ZXDC: variants seen among roughly 807,000 people sequenced by gnomAD.
ZXDC encodes the protein zinc finger protein ZXDC.
In ZXDC, 58 loss-of-function variants were observed where a neutral mutation model predicts 63.6. That is an observed-to-expected ratio of 0.91 (90% confidence interval 0.74 to 1.13). The LOEUF (loss-of-function observed/expected upper bound fraction) is 1.13. Among genes scored for constraint, ZXDC ranks in the 50% most tolerant of loss-of-function variants. The pLI is 0.00. For missense variants in ZXDC, 1,133 were observed against 1,148.9 expected, an observed-to-expected ratio of 0.99 and a Z score of 0.20; for synonymous variants, 561 against 496.1, an observed-to-expected ratio of 1.13 and a Z score of -1.74.
chr3:126,439,581 A>G (rs1424391482), intron 9 of ZXDC, 51 bp downstream of exon 9: 2 of 1,550,914 alleles, frequency 1.3e-6, no homozygotes, highest in Non-Finnish European at 1.7e-6. Flanking sequence ...TGGAAGTCGA[A>G]GGCTCTGCGA....
At chr3:126,438,968 G>A (rs1469697310) in intron 9 of ZXDC, among the ~76,000 whole-genome samples, 1 of 152,132 alleles carries the variant, frequency 6.6e-6, no homozygotes, top group Non-Finnish European at 1.5e-5. Flanking sequence ...GTCCCAGGAG[G>A]GGGCTGCCAG....
At chr3:126,467,130 C>T (rs1218091814) in intron 4 of ZXDC, among the ~76,000 whole-genome samples, 1 of 152,106 alleles carries the variant, frequency 6.6e-6, no homozygotes, top group Non-Finnish European at 1.5e-5. Context: ...CCACACACCT[C>T]CCGAGAAGGC....
At chr3:126,442,200 C>T (rs143215759) in intron 7 of ZXDC, 18 of 304,250 alleles carry the variant, frequency 5.9e-5, no homozygotes, top group Admixed American at 1.6e-4. Context: ...CCAGACGGTA[C>T]GGTAATCAGA....
chr3:126,451,044 G>A, intron 7 of ZXDC: 1 of 743,182 alleles, frequency 1.3e-6, no homozygotes, highest in African/African-American at 1.9e-5. Context: ...AGGGACTCAA[G>A]GCCACTCCTC....
intron 8 of ZXDC, 55 bp from the exon 9 acceptor site, chr3:126,439,782 T>G: frequency 6.6e-7 from 1 of 1,515,472 alleles, no homozygotes; most frequent in Non-Finnish European, 8.8e-7. Context: ...GCAGCAAAGG[T>G]CCTCGTCTCA....
intron 5 of ZXDC, among the ~76,000 whole-genome samples, chr3:126,463,358 C>T (rs551980525): frequency 4.3e-4 from 66 of 152,308 alleles, no homozygotes; most frequent in African/African-American, 1.5e-3. Flanking sequence ...TATGAGCCAC[C>T]ACGCCTGCAG....
At position 126,459,845 on chromosome 3, in the gene ZXDC, C is replaced by A; in HGVS notation, c.2128-108G>T. 4.4e-6 allele frequency: 7 copies of A among 1,584,548 alleles called. No individual in the cohort carries two copies. The South Asian group carries it at 8.0e-5, about 18-fold the overall frequency. On this transcript the variant is annotated intron_variant, in intron 6 of 9. Transcript: ENST00000389709. ...TGCTTCTGGGACATATCCGAGCTCC[C>A]AAAACCAGAGTCACCAGCAAGGCAC...
intron 7 of ZXDC, among the ~76,000 whole-genome samples, chr3:126,445,045 A>C (rs952891064): frequency 6.6e-6 from 1 of 152,252 alleles, no homozygotes; most frequent in Non-Finnish European, 1.5e-5. Flanking sequence ...ACAATATGAA[A>C]AAAAATCACA....
At chr3:126,469,804 CCT>C (rs141669972) in intron 4 of ZXDC, among the ~76,000 whole-genome samples, 2,233 of 152,346 alleles carry the variant, frequency 0.015, 46 homozygotes, top group African/African-American at 0.05. Flanking sequence ...TACCTGTTCC[CCT>C]GTCTGCACCT....
chr3:126,457,532 G>A, intron 7 of ZXDC: 2 of 985,392 alleles, frequency 2.0e-6, no homozygotes, highest in Non-Finnish European at 2.4e-6. Context: ...AGACCTAGCA[G>A]GTACCAGGTT....
In ZXDC at chr3:126,452,900, G is replaced by A. The variant is rs964292022; in HGVS notation, c.2212+6753C>T. On this transcript the variant is annotated intron_variant, in intron 7 of 9. Coordinates refer to ENST00000389709, the MANE Select transcript of ZXDC (RefSeq NM_025112.5). ...ACCACAGGTGTGCACCACCACGCGT[G>A]GCTAATTATTATTTTTTTTACAGAT... The A allele has an allele frequency of 6.5e-6, 3 of 463,062 alleles. No individual in the cohort carries two copies. In the Admixed American group the frequency reaches 1.9e-4, roughly 30 times the overall value. 28.7% of individuals were successfully genotyped at this position (463,062 alleles called of 1,614,324 possible).
At chr3:126,460,331 T>C (rs911536833) in intron 6 of ZXDC, 2 of 522,950 alleles carry the variant, frequency 3.8e-6, no homozygotes, top group Non-Finnish European at 4.9e-6. Flanking sequence ...TTAACACTTA[T>C]CGCTATGAAG....
At chr3:126,438,832 ATG>A (rs1052070988) in intron 9 of ZXDC, among the ~76,000 whole-genome samples, 1 of 152,160 alleles carries the variant, frequency 6.6e-6, no homozygotes, top group African/African-American at 2.4e-5. Flanking sequence ...GCTGACCAGG[ATG>A]TGGCCCAGGG....
intron 7 of ZXDC, among the ~76,000 whole-genome samples, chr3:126,449,682 G>A (rs966069734): frequency 6.6e-6 from 1 of 152,312 alleles, no homozygotes; most frequent in South Asian, 2.1e-4. Flanking sequence ...ACCTGCCACT[G>A]ACGGCCAGGA....
chr3:126,466,395 C>T (rs1687463), intron 4 of ZXDC, 70 bp from the exon 5 acceptor site: 1,042,124 of 1,579,752 alleles, frequency 0.66, 349,516 homozygotes, highest in South Asian at 0.75. Flanking sequence ...TGACACTTCC[C>T]CATCAGATCA....
In ZXDC at chr3:126,466,249, C is replaced by A. The variant is rs139749960; in HGVS notation, c.1347G>T (p.Pro449=). The change falls in exon 5 of 10, where the codon CCG becomes CCT. Residue 449 remains proline (P), a synonymous_variant. Transcript: ENST00000389709. The stretch of plus-strand genomic sequence containing the variant: ...AGGTAGAAACTGGGCAACGGCTTTT[C>A]GGAGCACCCACATCCTGCACGTGTT... ...SKKHVQDVGA[P]KSRCPVSTCN... 1 of 1,614,038 alleles carries A rather than the reference C, an allele frequency of 6.2e-7. No homozygotes were observed. The highest frequency in any genetic ancestry group is 8.5e-7 in the Non-Finnish European group (1 of 1,180,048).
In ZXDC at chr3:126,475,293, C is replaced by T. The variant is rs1458071153; in HGVS notation, c.573G>A (p.Gln191=). 5.8e-6 allele frequency: 9 copies of T among 1,550,112 alleles called. No homozygotes were observed. In the East Asian group the frequency reaches 9.8e-5, roughly 17 times the overall value. The change falls in exon 1 of 10, where the codon CAG becomes CAA. Residue 191 remains glutamine, a synonymous_variant. Transcript: ENST00000389709. ...CGTGCGTGAGCAGGTGCACCTTGAG[C>T]TGGTGCTTCTTGGCGAAGGCCAGCG... ...QCALAFAKKH[Q]LKVHLLTHGG...
chr3:126,445,760 G>A (rs895316493), intron 7 of ZXDC, among the ~76,000 whole-genome samples: 2 of 152,142 alleles, frequency 1.3e-5, no homozygotes, highest in African/African-American at 4.8e-5. Flanking sequence ...GCCAGGGGAG[G>A]AGGGGCCAAG....
In ZXDC at chr3:126,475,747, A is replaced by AGGC. The variant is rs1284474123; in HGVS notation, c.116_118dup (p.Arg39dup). The AGGC allele has an allele frequency of 2.3e-5, 27 of 1,167,440 alleles. No individual in the cohort carries two copies. The highest frequency in any genetic ancestry group is 2.8e-5 in the Non-Finnish European group (27 of 948,718). The allele number at this position is 1,167,440 out of a possible 1,614,324, so 72.3% of individuals were successfully genotyped here. A position where few individuals can be genotyped will look rare whatever the true frequency, so the allele number is the denominator to read the frequency against. ...ATCTTCAGGGCCCCGCACCAGTAGC[A>AGGC]GGCGGCGGCGCGCGGGGCTCGCGCC... On this transcript the variant is annotated inframe_insertion, in exon 1 of 10. Coordinates refer to ENST00000389709, the MANE Select transcript of ZXDC (RefSeq NM_025112.5).
Sources: gnomAD v4.1 joint callset for allele counts (sites outside exome capture counted in the v4.1 genomes callset) on GRCh38, gnomAD v4.1.1 for gene constraint, MANE v1.5 for transcripts, NCBI Gene and HGNC (gene_info 2026-07-23, HGNC 2026-07-21) for gene names.